Variants in SLC4A7 observed in about 807,000 individuals in gnomAD.
SLC4A7 encodes the protein solute carrier family 4 member 7.
In SLC4A7, 51 loss-of-function variants were observed where a neutral mutation model predicts 137.6. The observed-to-expected ratio is 0.37, with a 90% CI of 0.30 to 0.47. SLC4A7 has a LOEUF of 0.47. Among genes scored for constraint, SLC4A7 ranks in the 20% least tolerant of loss-of-function variants. The pLI, the probability that SLC4A7 is intolerant of heterozygous loss-of-function variation, is 1.00. For synonymous variants in SLC4A7, 542 were observed against 518.6 expected (o/e 1.05, Z -0.61); for missense variants, 1,247 against 1,525.4 (o/e 0.82, Z 3.04).
intron 1 of SLC4A7, chr3:27,456,577 C>A: frequency 9.6e-7 from 1 of 1,039,504 alleles, no homozygotes; most frequent in South Asian, 1.3e-5. Flanking sequence ...CCTGACATTT[C>A]TTCAAGCTTC....
At chr3:27,419,796 G>A (rs2054769165) in intron 10 of SLC4A7, among the ~76,000 whole-genome samples, 1 of 152,096 alleles carries the variant, frequency 6.6e-6, no homozygotes, top group African/African-American at 2.4e-5. Flanking sequence ...AAAAGGCTAA[G>A]CCAGAGAAAT....
At chr3:27,462,050 T>C (rs2058730010) in intron 1 of SLC4A7, among the ~76,000 whole-genome samples, 1 of 151,938 alleles carries the variant, frequency 6.6e-6, no homozygotes, top group African/African-American at 2.4e-5. Flanking sequence ...ATTCAACAAA[T>C]GGAATTTAAG....
At chr3:27,476,230 A>G (rs909071304) in intron 1 of SLC4A7, among the ~76,000 whole-genome samples, 2 of 152,196 alleles carry the variant, frequency 1.3e-5, no homozygotes, top group Non-Finnish European at 2.9e-5. Flanking sequence ...TTTTCATTTT[A>G]ATGGTGCTTA....
chr3:27,412,845 A>G (rs1419886229), intron 11 of SLC4A7, among the ~76,000 whole-genome samples: 1 of 152,172 alleles, frequency 6.6e-6, no homozygotes, highest in Non-Finnish European at 1.5e-5. Context: ...AGCACATTCA[A>G]GAAAATTAAG....
intron 16 of SLC4A7, among the ~76,000 whole-genome samples, chr3:27,398,575 T>A (rs1269690662): frequency 1.3e-5 from 2 of 152,178 alleles, no homozygotes; most frequent in Non-Finnish European, 2.9e-5. Flanking sequence ...AATACGTGCA[T>A]CTCAAATCAC....
chr3:27,405,551 C>T (rs548057445), intron 13 of SLC4A7, among the ~76,000 whole-genome samples: 11 of 151,964 alleles, frequency 7.2e-5, no homozygotes, highest in Admixed American at 3.3e-4. Context: ...TGAAATAGTT[C>T]ATTTTAAAAA....
intron 3 of SLC4A7, among the ~76,000 whole-genome samples, chr3:27,439,330 A>T (rs1029364042): frequency 7.9e-5 from 12 of 152,210 alleles, no homozygotes; most frequent in African/African-American, 2.9e-4. Flanking sequence ...TAAAAAACAT[A>T]TCTGAAAATT....
intron 18 of SLC4A7, among the ~76,000 whole-genome samples, chr3:27,396,959 C>T (rs2052234345): frequency 6.6e-6 from 1 of 152,138 alleles, no homozygotes; most frequent in Admixed American, 6.5e-5. Flanking sequence ...TTTCCAACTA[C>T]TGTCAGATAT....
intron 1 of SLC4A7, among the ~76,000 whole-genome samples, chr3:27,458,537 C>T (rs1263882062): frequency 6.6e-6 from 1 of 152,182 alleles, no homozygotes; most frequent in African/African-American, 2.4e-5. Flanking sequence ...TAATTAATTA[C>T]ATATTTGAAA....
chr3:27,395,165 A>C (rs758479383), intron 18 of SLC4A7, 50 bp from the exon 19 acceptor site: 1 of 1,373,646 alleles, frequency 7.3e-7, no homozygotes, highest in Non-Finnish European at 9.9e-7. Flanking sequence ...GCTGTATTGC[A>C]CTAAATTTCC....
At chr3:27,469,038 C>T (rs185006027) in intron 1 of SLC4A7, among the ~76,000 whole-genome samples, 10 of 151,802 alleles carry the variant, frequency 6.6e-5, no homozygotes, top group East Asian at 1.9e-4. Context: ...ACCCAGGAAG[C>T]GGAGGTTGCA....
intron 21 of SLC4A7, among the ~76,000 whole-genome samples, chr3:27,391,205 CAAAAT>C (rs1455447406): frequency 6.6e-6 from 1 of 152,082 alleles, no homozygotes; most frequent in East Asian, 1.9e-4. Flanking sequence ...TAAAACAAAA[CAAAAT>C]AATGAAACCA....
At chr3:27,456,895 G>T in intron 1 of SLC4A7, 1 of 1,352,224 alleles carries the variant, frequency 7.4e-7, no homozygotes, top group South Asian at 2.0e-5. Flanking sequence ...CAGCATAACA[G>T]ATTTGGAAAG....
chr3:27,436,591 T>C, intron 4 of SLC4A7, 43 bp from the exon 5 acceptor site: 1 of 1,224,242 alleles, frequency 8.2e-7, no homozygotes. Context: ...GTAATGAAGA[T>C]TCCATTTGTT....
intron 6 of SLC4A7, among the ~76,000 whole-genome samples, chr3:27,433,586 G>A (rs1013232501): frequency 2.0e-5 from 3 of 151,928 alleles, no homozygotes; most frequent in Non-Finnish European, 2.9e-5. Flanking sequence ...ATAAAGAGCC[G>A]TGAAATCAGC....
intron 23 of SLC4A7, among the ~76,000 whole-genome samples, chr3:27,384,288 C>T (rs1473756566): frequency 1.3e-5 from 2 of 152,142 alleles, no homozygotes; most frequent in South Asian, 4.1e-4. Flanking sequence ...GGAAAGACTC[C>T]TTAAACTTGA....
At chr3:27,414,855 T>C (rs1406657319) in intron 11 of SLC4A7, among the ~76,000 whole-genome samples, 1 of 152,220 alleles carries the variant, frequency 6.6e-6, no homozygotes, top group African/African-American at 2.4e-5. Context: ...TTTTGCCATA[T>C]ACACAATTTC....
At chr3:27,482,627 C>T (rs1364006413) in intron 1 of SLC4A7, among the ~76,000 whole-genome samples, 1 of 152,118 alleles carries the variant, frequency 6.6e-6, no homozygotes, top group African/African-American at 2.4e-5. Flanking sequence ...AAAAAATTAG[C>T]TGGGCATAGT....
At chr3:27,383,941 G>A (rs114412886) in intron 23 of SLC4A7, among the ~76,000 whole-genome samples, 22 of 152,152 alleles carry the variant, frequency 1.4e-4, no homozygotes, top group African/African-American at 4.8e-4. Context: ...AGATCATTTA[G>A]CAAATGTTTA....
Sources: allele counts gnomAD v4.1 joint callset (sites outside exome capture counted in the v4.1 genomes callset), GRCh38; gene constraint gnomAD v4.1.1; transcripts MANE v1.5; gene names NCBI Gene and HGNC (gene_info 2026-07-23, HGNC 2026-07-21).